Variants in DNAAF9 observed in about 807,000 individuals in gnomAD.
The protein encoded by DNAAF9 is dynein axonemal assembly factor 9, also known as shulin.
Under a neutral mutation model 167.0 loss-of-function variants are expected in DNAAF9, and 90 were observed. The ratio of observed to expected loss-of-function variants is 0.54; its 90% confidence interval spans 0.45 to 0.64. The LOEUF (loss-of-function observed/expected upper bound fraction) is 0.64, where lower values mean the gene tolerates loss of function less well. DNAAF9 is among the 30% of genes least tolerant of loss of function. The pLI is 0.00. For synonymous variants in DNAAF9, 491 were observed against 508.8 expected (o/e 0.96, Z 0.47); for missense variants, 1,315 against 1,442.2 (o/e 0.91, Z 1.43).
chr20:3,340,791 G>T (rs985170315), intron 9 of DNAAF9, 152 bp from the exon 10 acceptor site: 1 of 649,804 alleles, frequency 1.5e-6, no homozygotes, highest in African/African-American at 1.8e-5. Context: ...ATCCTTGGCT[G>T]GTTGGAAACG....
At chr20:3,371,970 A>G (rs1406231869) in intron 6 of DNAAF9, among the ~76,000 whole-genome samples, 1 of 152,184 alleles carries the variant, frequency 6.6e-6, no homozygotes, top group East Asian at 1.9e-4. Context: ...AGAAAAAATT[A>G]TCTATATCGA....
chr20:3,332,895 C>T (rs1998059), intron 10 of DNAAF9, among the ~76,000 whole-genome samples: 82,580 of 129,774 alleles, frequency 0.64, 22,808 homozygotes, highest in Middle Eastern at 0.7. Flanking sequence ...TGCGTGTGTG[C>T]GTGTGGTGTG....
chr20:3,266,209 G>A (rs2068487429), intron 30 of DNAAF9, among the ~76,000 whole-genome samples: 1 of 152,178 alleles, frequency 6.6e-6, no homozygotes, highest in East Asian at 1.9e-4. Context: ...GAGGTACAGG[G>A]TATCAGTTTG....
chr20:3,316,678 T>C (rs762799362), intron 18 of DNAAF9, 45 bp downstream of exon 18: 2 of 1,415,628 alleles, frequency 1.4e-6, no homozygotes, highest in Non-Finnish European at 2.0e-6. Flanking sequence ...TTCACCCTGA[T>C]TTCTCCACAC....
rs2068343318 is a variant in DNAAF9 at position 3,259,540 on chromosome 20, T to TGGA, written c.2992_2994dup (p.Ser998dup). 1 of 1,611,046 alleles carries TGGA rather than the reference T, an allele frequency of 6.2e-7. No homozygotes were observed. Among genetic ancestry groups the TGGA allele is most frequent in the Admixed American group, 1.7e-5 (1 of 59,972 alleles). ...TTTCCGGAGAAGGGACTTGGCTTGATGGAGGACTGAATTGCTGGTGGAAGA... is the reference window on the plus strand; with the variant it reads ...TTTCCGGAGAAGGGACTTGGCTTGATGGAGGAGGACTGAATTGCTGGTGGAAGA... On this transcript the variant is annotated inframe_insertion, in exon 33 of 37. Coordinates refer to ENST00000252032, the MANE Select transcript of DNAAF9 (RefSeq NM_001009984.3).
Position 3,256,121 on chromosome 20 carries a change from T to A in DNAAF9, c.3146A>T (p.Asp1049Val), listed in dbSNP as rs199661270. The change falls in exon 34 of 37, where the codon GAC (aspartate) becomes GTC (valine). Residue 1049 changes from aspartate (D) to valine (V), a missense_variant. By Grantham distance (152) the Asp-to-Val change is radical (BLOSUM62 -3). Transcript: ENST00000252032. The stretch of plus-strand genomic sequence containing the variant: ...GCTGTCTTGAGATACGCTTTTGGAG[T>A]CTGGTGGTGGTGTGGGTCCTTCCAA... ...PVLEGPTPPP[D>V]SKSVSQDSSG... 6.2e-7 allele frequency: 1 copy of A among 1,613,840 alleles called. No individual in the cohort carries two copies. Among genetic ancestry groups the A allele is most frequent in the Non-Finnish European group, 8.5e-7 (1 of 1,179,964 alleles).
intron 10 of DNAAF9, among the ~76,000 whole-genome samples, chr20:3,333,906 T>C (rs2069887699): frequency 6.6e-6 from 1 of 152,258 alleles, no homozygotes; most frequent in South Asian, 2.1e-4. Context: ...GGAAAGAACT[T>C]TGGATTGTCT....
intron 6 of DNAAF9, among the ~76,000 whole-genome samples, chr20:3,365,696 T>C (rs1355551847): frequency 4.6e-5 from 7 of 152,258 alleles, no homozygotes; most frequent in African/African-American, 1.7e-4. Context: ...CTGGCCGTGA[T>C]AGCATTTTAC....
In DNAAF9 at chr20:3,330,744, A is replaced by G. The variant is rs911340537; in HGVS notation, c.1064-62T>C. ...CAGGATATGCAAACACTTAACAAGG[A>G]AGCTAGAAATGCTTAATTTACCTGG... is the stretch of plus-strand genomic sequence containing the variant. On this transcript the variant is annotated intron_variant, in intron 11 of 36. Coordinates refer to ENST00000252032, the MANE Select transcript of DNAAF9 (RefSeq NM_001009984.3). The G allele has an allele frequency of 5.1e-6, 5 of 986,686 alleles. No individual in the cohort carries two copies. The African/African-American group carries it at 8.4e-5, about 17-fold the overall frequency. 61.1% of individuals were successfully genotyped at this position (986,686 alleles called of 1,614,324 possible).
chr20:3,332,891 TGTGCGTGTG>T (rs1448101447), intron 10 of DNAAF9, among the ~76,000 whole-genome samples: 18 of 132,054 alleles, frequency 1.4e-4, no homozygotes, highest in Non-Finnish European at 2.5e-4. Flanking sequence ...TGTGTGCGTG[TGTGCGTGTG>T]GTGTGTGTGT....
At chr20:3,394,146 T>C (rs946022310) in intron 1 of DNAAF9, among the ~76,000 whole-genome samples, 4 of 152,160 alleles carry the variant, frequency 2.6e-5, no homozygotes, top group African/African-American at 9.7e-5. Context: ...GAGACCAGCC[T>C]GGCCAACATG....
intron 11 of DNAAF9, among the ~76,000 whole-genome samples, chr20:3,331,819 G>A (rs6037552): frequency 0.21 from 31,287 of 152,128 alleles, 3,521 homozygotes; most frequent in African/African-American, 0.28. Flanking sequence ...GACTACAGGT[G>A]TGCACCAGCA....
chr20:3,298,686 A>C (rs2069127490), intron 21 of DNAAF9, among the ~76,000 whole-genome samples: 1 of 152,152 alleles, frequency 6.6e-6, no homozygotes, highest in Non-Finnish European at 1.5e-5. Context: ...ATTCCTTATC[A>C]GATATATGAT....
At chr20:3,354,119 A>G (rs1403020763) in intron 7 of DNAAF9, among the ~76,000 whole-genome samples, 6 of 152,242 alleles carry the variant, frequency 3.9e-5, no homozygotes, top group Non-Finnish European at 8.8e-5. Context: ...AGACTGAGGC[A>G]CCAGGCAATA....
chr20:3,335,043 G>A (rs1487281320), intron 10 of DNAAF9, among the ~76,000 whole-genome samples: 1 of 152,214 alleles, frequency 6.6e-6, no homozygotes, highest in Non-Finnish European at 1.5e-5. Flanking sequence ...ACAGACCTGA[G>A]AGCAGAAATT....
rs2069116287 is a variant in DNAAF9 at position 3,298,147 on chromosome 20, A to G, written c.1811T>C (p.Leu604Pro). Residue 604 changes from leucine (L) to proline (P), a missense_variant, in exon 22 of 37, where the codon CTC becomes CCC. By Grantham distance (98) the Leu-to-Pro change is moderately conservative. Around this residue, in one of 2 missense-constraint regions of DNAAF9, gnomAD observed 981 missense variants for 1,012.5 expected, o/e 0.97. Coordinates refer to ENST00000252032, the MANE Select transcript of DNAAF9 (RefSeq NM_001009984.3). ...GDSTSTVAAL[L>P]IDFKSSLLPH... is the part of the protein sequence containing the mutation. The stretch of plus-strand genomic sequence containing the variant: ...AAGCAATGAGCTTTTGAAGTCTATG[A>G]GAAGAGCAGCAACAGTACTGGTGGA... 3.1e-6 allele frequency: 5 copies of G among 1,613,984 alleles called. No individual in the cohort carries two copies. The highest frequency in any genetic ancestry group is 3.4e-6 in the Non-Finnish European group (4 of 1,179,874).
intron 10 of DNAAF9, among the ~76,000 whole-genome samples, chr20:3,338,045 A>G (rs1461055163): frequency 6.7e-6 from 1 of 148,474 alleles, no homozygotes; most frequent in Non-Finnish European, 1.5e-5. Flanking sequence ...AAAATATATA[A>G]TATATGCACA....
chr20:3,342,876 A>T (rs548895488), intron 9 of DNAAF9, among the ~76,000 whole-genome samples: 1 of 152,074 alleles, frequency 6.6e-6, no homozygotes, highest in Non-Finnish European at 1.5e-5. Context: ...CATTGAACCC[A>T]TCTTCGTGGG....
At chr20:3,318,582 C>T (rs2069552212) in intron 16 of DNAAF9, among the ~76,000 whole-genome samples, 182 bp from the exon 17 acceptor site, 1 of 152,196 alleles carries the variant, frequency 6.6e-6, no homozygotes, top group Non-Finnish European at 1.5e-5. Context: ...TAGGATCACC[C>T]AGGCTTCCCT....
Sources: allele counts gnomAD v4.1 joint callset (sites outside exome capture counted in the v4.1 genomes callset), GRCh38; gene constraint gnomAD v4.1.1; regional missense constraint gnomAD v4.1.1; transcripts MANE v1.5; gene names NCBI Gene and HGNC (gene_info 2026-07-23, HGNC 2026-07-21).